SEMA3A: variants seen among roughly 807,000 people sequenced by gnomAD.
SEMA3A encodes semaphorin-3A.
SEMA3A carries 29 observed loss-of-function variants against 97.9 expected under a neutral mutation model. That is an observed-to-expected ratio of 0.30 (90% CI 0.22 to 0.40). The LOEUF is 0.40. Ranked by LOEUF, SEMA3A falls within the 10% of genes least tolerant of loss-of-function variation. The pLI is 1.00. For missense variants in SEMA3A, 763 were observed against 951.3 expected (o/e 0.80, Z 2.60); for synonymous variants, 321 against 323.7 (o/e 0.99, Z 0.09).
At chr7:84,077,132 C>T (rs1011030091) in intron 4 of SEMA3A, among the ~76,000 whole-genome samples, 1 of 152,014 alleles carries the variant, frequency 6.6e-6, no homozygotes, top group African/African-American at 2.4e-5. Flanking sequence ...AGAACATGAA[C>T]AATTTACAAC....
At chr7:84,271,892 A>G (rs1042569130) in intron 3 of SEMA3A, among the ~76,000 whole-genome samples, 1 of 152,074 alleles carries the variant, frequency 6.6e-6, no homozygotes, top group African/African-American at 2.4e-5. Context: ...ACCTAGTTCA[A>G]TCTTTGTCTT....
intron 1 of SEMA3A, among the ~76,000 whole-genome samples, chr7:84,411,259 T>C (rs2116250283): frequency 6.6e-6 from 1 of 152,238 alleles, no homozygotes; most frequent in South Asian, 2.1e-4. Flanking sequence ...AAAATGGCTA[T>C]GATTATTAAT....
At chr7:84,013,159 G>T (rs1790952820) in intron 7 of SEMA3A, among the ~76,000 whole-genome samples, 1 of 151,986 alleles carries the variant, frequency 6.6e-6, no homozygotes. Flanking sequence ...TTGAATGTGG[G>T]CTTATGATTT....
intron 3 of SEMA3A, among the ~76,000 whole-genome samples, chr7:84,229,226 GATAATAAA>G (rs1376367262): frequency 1.3e-5 from 2 of 151,762 alleles, no homozygotes; most frequent in African/African-American, 4.8e-5. Flanking sequence ...ATTTTCCCTT[GATAATAAA>G]ACCAAATAAT....
At chr7:84,064,095 A>C (rs952864509) in intron 4 of SEMA3A, among the ~76,000 whole-genome samples, 1 of 152,216 alleles carries the variant, frequency 6.6e-6, no homozygotes, top group African/African-American at 2.4e-5. Flanking sequence ...ACAAGCCAGA[A>C]GAGAGGGGGG....
intron 12 of SEMA3A, among the ~76,000 whole-genome samples, chr7:83,986,447 G>A (rs951270351): frequency 1.3e-5 from 2 of 152,116 alleles, no homozygotes; most frequent in Non-Finnish European, 2.9e-5. Context: ...ATATAGGCTT[G>A]CATAAATAAA....
At position 84,104,408 on chromosome 7, in the gene SEMA3A, C is replaced by T. The variant is rs150161810; in HGVS notation, c.453+6062G>A. ...TTAATGCTAACACTTCTATTTCTAT[C>T]TGTCACTGTTTTTAGGGGAAAAAAA... On this transcript the variant is annotated intron_variant, in intron 4 of 16. Transcript: ENST00000265362. Among the ~76,000 whole-genome samples, 981 of 152,142 alleles carry T rather than the reference C, an allele frequency of 6.4e-3. 6 individuals carry two copies. Among genetic ancestry groups the T allele is most frequent in the African/African-American group, 0.022 (915 of 41,528 alleles).
intron 3 of SEMA3A, among the ~76,000 whole-genome samples, chr7:84,265,405 C>G (rs1047383160): frequency 1.4e-5 from 2 of 147,950 alleles, no homozygotes; most frequent in Non-Finnish European, 3.0e-5. Flanking sequence ...GTTCTGCTTT[C>G]TTTAAATATA....
chr7:84,136,620 A>G (rs1796131684), intron 1 of SEMA3A, among the ~76,000 whole-genome samples: 2 of 152,020 alleles, frequency 1.3e-5, no homozygotes, highest in Non-Finnish European at 2.9e-5. Context: ...TGCTTGAATT[A>G]CTCTTATAAC....
At chr7:84,022,239 C>T (rs1791357392) in intron 6 of SEMA3A, among the ~76,000 whole-genome samples, 1 of 152,082 alleles carries the variant, frequency 6.6e-6, no homozygotes, top group Non-Finnish European at 1.5e-5. Flanking sequence ...AAAAGGTTTA[C>T]CAATATCTAT....
chr7:84,274,223 G>T (rs1234999791), intron 3 of SEMA3A, among the ~76,000 whole-genome samples: 2 of 151,476 alleles, frequency 1.3e-5, no homozygotes, highest in Non-Finnish European at 2.9e-5. Context: ...CCACTTTGTG[G>T]TTTGCAAAGG....
At chr7:84,463,301 T>C (rs550099782) in intron 1 of SEMA3A, among the ~76,000 whole-genome samples, 1 of 137,052 alleles carries the variant, frequency 7.3e-6, no homozygotes, top group African/African-American at 2.8e-5. Flanking sequence ...CAGGCTGGAG[T>C]GCAGTGGCGC....
chr7:84,159,622 C>T (rs943624982), intron 1 of SEMA3A, among the ~76,000 whole-genome samples: 2 of 152,082 alleles, frequency 1.3e-5, no homozygotes, highest in African/African-American at 2.4e-5. Context: ...CCTCTTCATA[C>T]CAGTAGAGAA....
chr7:84,429,169 C>A (rs1009220705), intron 1 of SEMA3A, among the ~76,000 whole-genome samples: 7 of 151,882 alleles, frequency 4.6e-5, no homozygotes, highest in African/African-American at 1.7e-4. Context: ...AATTGAGAAT[C>A]TCTACTTTAT....
chr7:84,285,842 G>A lies in SEMA3A; in HGVS notation c.-83+21365C>T, dbSNP rs1391423101. Among the ~76,000 whole-genome samples, 7 of 151,888 alleles carry A rather than the reference G, an allele frequency of 4.6e-5. No individual in the cohort carries two copies. In the East Asian group the frequency reaches 1.4e-3, roughly 29 times the overall value. Reference sequence around the variant, plus strand: ...GTAACCCAGCTACTGGGGAGGCTGAGGCAGGAAGATCACCTGAGTTGGGGA... The same window carrying A: ...GTAACCCAGCTACTGGGGAGGCTGAAGCAGGAAGATCACCTGAGTTGGGGA... On this transcript the variant is annotated intron_variant, in intron 3 of 3. Coordinates refer to the SEMA3A transcript ENST00000424555.
chr7:83,972,483 G>T (rs1025466830), intron 15 of SEMA3A, among the ~76,000 whole-genome samples: 1 of 151,942 alleles, frequency 6.6e-6, no homozygotes, highest in Non-Finnish European at 1.5e-5. Context: ...TAATCTCTAT[G>T]CCAGAGCAAA....
chr7:84,006,858 T>C (rs113816221), intron 10 of SEMA3A, among the ~76,000 whole-genome samples: 3 of 152,238 alleles, frequency 2.0e-5, no homozygotes, highest in Admixed American at 6.5e-5. Flanking sequence ...TACACACATA[T>C]ATATGTCTAT....
chr7:84,319,527 A>G (rs1801595772), intron 2 of SEMA3A, among the ~76,000 whole-genome samples: 1 of 152,148 alleles, frequency 6.6e-6, no homozygotes. Context: ...TTCACAGACC[A>G]CCAAGAATTC....
chr7:84,142,899 A>G (rs1796335217), intron 1 of SEMA3A, among the ~76,000 whole-genome samples: 1 of 152,148 alleles, frequency 6.6e-6, no homozygotes, highest in African/African-American at 2.4e-5. Context: ...TCTTTCCATT[A>G]CTGACGTCAT....
Sources: gnomAD v4.1 joint callset for allele counts (sites outside exome capture counted in the v4.1 genomes callset) on GRCh38, gnomAD v4.1.1 for gene constraint, MANE v1.5 for transcripts, NCBI Gene and HGNC (gene_info 2026-07-23, HGNC 2026-07-21) for gene names.